MLLT3: variants seen among roughly 807,000 people sequenced by gnomAD.
The protein encoded by MLLT3 is protein AF-9.
A neutral mutation model predicts 53.2 loss-of-function variants in MLLT3; 4 were observed. The observed-to-expected ratio is 0.08, with a 90% confidence interval of 0.04 to 0.17. The LOEUF (loss-of-function observed/expected upper bound fraction) is 0.17. Among genes scored for constraint, MLLT3 ranks in the 10% least tolerant of loss-of-function variants. The pLI is 1.00. For missense variants in MLLT3, 569 were observed against 684.0 expected (o/e 0.83, Z 1.87); for synonymous variants, 283 against 230.6 (o/e 1.23, Z -2.06).
Position 20,508,408 on chromosome 9 carries a change from T to C in MLLT3, c.194-51622A>G, listed in dbSNP as rs116749598. ...AGTGTTTACAGATGGTAGAAAGAGA[T>C]AGGAGAGGACACTACCGCAGTGCCA... On this transcript the variant is annotated intron_variant, in intron 2 of 10. Coordinates refer to ENST00000380338, the MANE Select transcript of MLLT3 (RefSeq NM_004529.4). Among the ~76,000 whole-genome samples, 552 of 152,272 alleles carry C rather than the reference T, an allele frequency of 3.6e-3. 3 individuals are homozygous for C. The highest frequency in any genetic ancestry group is 0.012 in the African/African-American group (512 of 41,556).
At chr9:20,551,293 C>T (rs1481811634) in intron 2 of MLLT3, among the ~76,000 whole-genome samples, 1 of 152,208 alleles carries the variant, frequency 6.6e-6, no homozygotes, top group Non-Finnish European at 1.5e-5. Flanking sequence ...ACTCACTGAG[C>T]TGCTTTTTGT....
At chr9:20,455,763 G>C (rs1823950408) in intron 3 of MLLT3, among the ~76,000 whole-genome samples, 1 of 151,994 alleles carries the variant, frequency 6.6e-6, no homozygotes, top group African/African-American at 2.4e-5. Context: ...ACTATTCTAA[G>C]TACTTTGCAT....
chr9:20,346,267 G>T lies in MLLT3; in HGVS notation c.*176C>A. 1 of 648,144 alleles carries T rather than the reference G, an allele frequency of 1.5e-6. No individual in the cohort carries two copies. The highest frequency in any genetic ancestry group is 2.4e-6 in the Non-Finnish European group (1 of 411,356). The allele number at this position is 648,144 out of a possible 1,614,324, so 40.1% of individuals were successfully genotyped here. A position where few individuals can be genotyped will look rare whatever the true frequency, so the allele number is the denominator to read the frequency against. On this transcript the variant is annotated 3_prime_UTR_variant, in exon 11 of 11. Coordinates refer to ENST00000380338, the MANE Select transcript of MLLT3 (RefSeq NM_004529.4). ...AACCTCTCCTTTATCAAGAGATGAT[G>T]ACTGGCTTTAAAGAAAAATAAAGCT... is the stretch of plus-strand genomic sequence containing the variant.
At chr9:20,388,474 G>A (rs547346439) in intron 5 of MLLT3, among the ~76,000 whole-genome samples, 2 of 152,002 alleles carry the variant, frequency 1.3e-5, no homozygotes, top group Non-Finnish European at 2.9e-5. Flanking sequence ...TATAGTCCCA[G>A]CTACTCGGGA....
At chr9:20,556,820 G>A (rs1285596939) in intron 2 of MLLT3, among the ~76,000 whole-genome samples, 1 of 152,100 alleles carries the variant, frequency 6.6e-6, no homozygotes, top group African/African-American at 2.4e-5. Flanking sequence ...GTATGACAAT[G>A]TTAGATTTTT....
In MLLT3 at chr9:20,608,904, G is replaced by A. The variant is rs368013050; in HGVS notation, c.193+11750C>T. The stretch of plus-strand genomic sequence containing the variant: ...GAGATCACTTATATTAACATTCTAC[G>A]ATAGTATTTCTTCCCATCTTTTCAG... On this transcript the variant is annotated intron_variant, in intron 2 of 10. Coordinates refer to ENST00000380338, the MANE Select transcript of MLLT3 (RefSeq NM_004529.4). 6.6e-5 allele frequency among the ~76,000 whole-genome samples: 10 copies of A among 152,004 alleles called. No homozygotes were observed. The South Asian group carries it at 1.2e-3, about 19-fold the overall frequency.
intron 4 of MLLT3, among the ~76,000 whole-genome samples, chr9:20,447,880 G>C (rs1338548607): frequency 6.6e-6 from 1 of 152,028 alleles, no homozygotes; most frequent in African/African-American, 2.4e-5. Context: ...AATTTGAGCT[G>C]CATAGATCTT....
chr9:20,424,418 T>A (rs1823092118), intron 4 of MLLT3, among the ~76,000 whole-genome samples: 1 of 152,178 alleles, frequency 6.6e-6, no homozygotes, highest in Non-Finnish European at 1.5e-5. Flanking sequence ...TGCAAGATAC[T>A]TCTCATCTCA....
intron 2 of MLLT3, among the ~76,000 whole-genome samples, chr9:20,576,838 A>G (rs1216141325): frequency 6.6e-6 from 1 of 152,166 alleles, no homozygotes; most frequent in African/African-American, 2.4e-5. Context: ...CAAACTTTCA[A>G]CTTACGAAAA....
Position 20,598,628 on chromosome 9 carries a change from A to G in MLLT3, c.193+22026T>C, listed in dbSNP as rs563659934. On this transcript the variant is annotated intron_variant, in intron 2 of 10. Transcript: ENST00000380338. ...GTATATAAGACAAATGACACAAAAC[A>G]AAATAAAGTTATCTAATTACCAGAA... 2.0e-5 allele frequency among the ~76,000 whole-genome samples: 3 copies of G among 152,370 alleles called. No homozygotes were observed. In the South Asian group the frequency reaches 6.2e-4, roughly 32 times the overall value.
Position 20,537,426 on chromosome 9 carries a change from T to C in MLLT3, c.194-80640A>G, listed in dbSNP as rs80129952. Reference sequence around the variant, plus strand: ...TAGATAGGCTTTCTTATCTGAAGAATGTTTTTATTTTCCTACAGATGATTA... The same window carrying C: ...TAGATAGGCTTTCTTATCTGAAGAACGTTTTTATTTTCCTACAGATGATTA... On this transcript the variant is annotated intron_variant, in intron 2 of 10. Transcript: ENST00000380338. Among the ~76,000 whole-genome samples the C allele has an allele frequency of 6.1e-4, 93 of 152,362 alleles. No homozygotes were observed. In the East Asian group the frequency reaches 0.016, roughly 26 times the overall value.
chr9:20,595,199 A>G (rs1297328518), intron 2 of MLLT3, among the ~76,000 whole-genome samples: 3 of 152,044 alleles, frequency 2.0e-5, no homozygotes, highest in African/African-American at 7.2e-5. Context: ...CTCTACAAAA[A>G]GAAGAAGAAA....
intron 4 of MLLT3, among the ~76,000 whole-genome samples, chr9:20,443,177 A>G (rs1823596727): frequency 6.6e-6 from 1 of 152,046 alleles, no homozygotes; most frequent in Admixed American, 6.6e-5. Flanking sequence ...ACAAACACCC[A>G]ACACCCTACC....
chr9:20,432,364 G>T (rs1004693247), intron 4 of MLLT3, among the ~76,000 whole-genome samples: 30 of 152,018 alleles, frequency 2.0e-4, no homozygotes, highest in African/African-American at 7.0e-4. Context: ...TAACTTTAAA[G>T]AGTTACTAAT....
At chr9:20,534,693 CGG>C (rs1350666231) in intron 2 of MLLT3, among the ~76,000 whole-genome samples, 1 of 151,952 alleles carries the variant, frequency 6.6e-6, no homozygotes, top group African/African-American at 2.4e-5. Flanking sequence ...GAGACCATCC[CGG>C]ATAACACAGT....
intron 2 of MLLT3, among the ~76,000 whole-genome samples, chr9:20,601,589 A>G (rs563855398): frequency 5.9e-5 from 9 of 152,204 alleles, no homozygotes; most frequent in Non-Finnish European, 8.8e-5. Context: ...AATTTTAGTC[A>G]GATGGGAATA....
At chr9:20,450,214 T>C (rs1823805616) in intron 3 of MLLT3, among the ~76,000 whole-genome samples, 1 of 152,206 alleles carries the variant, frequency 6.6e-6, no homozygotes, top group South Asian at 2.1e-4. Flanking sequence ...TTCTATTTAG[T>C]ATTCGTCCTT....
At chr9:20,494,076 T>C (rs1302081310) in intron 2 of MLLT3, among the ~76,000 whole-genome samples, 1 of 152,130 alleles carries the variant, frequency 6.6e-6, no homozygotes, top group Non-Finnish European at 1.5e-5. Flanking sequence ...TCCTAAGTTT[T>C]CATTTATTAT....
At chr9:20,505,773 G>T (rs1016287210) in intron 2 of MLLT3, among the ~76,000 whole-genome samples, 2 of 152,148 alleles carry the variant, frequency 1.3e-5, no homozygotes, top group African/African-American at 4.8e-5. Context: ...CCTGTATTGC[G>T]TCACCTCGGA....
Sources: gnomAD v4.1 joint callset for allele counts (sites outside exome capture counted in the v4.1 genomes callset) on GRCh38, gnomAD v4.1.1 for gene constraint, MANE v1.5 for transcripts, NCBI Gene and HGNC (gene_info 2026-07-23, HGNC 2026-07-21) for gene names.